Variants in ATP4A observed in about 807,000 individuals in gnomAD.
ATP4A encodes ATPase H+/K+ transporting subunit alpha, also known as potassium-transporting ATPase alpha chain 1.
In ATP4A, 73 loss-of-function variants were observed where a neutral mutation model predicts 112.1. That is an observed-to-expected ratio of 0.65 (90% CI 0.54 to 0.79). The LOEUF (loss-of-function observed/expected upper bound fraction) is 0.79, where lower values mean the gene tolerates loss of function less well. ATP4A is among the 30% of genes least tolerant of loss of function. The pLI is 0.00. For synonymous variants in ATP4A, 588 were observed against 588.9 expected, an observed-to-expected ratio of 1.00 and a Z score of 0.02; for missense variants, 1,081 against 1,425.9, an observed-to-expected ratio of 0.76 and a Z score of 3.90.
chr19:35,563,143 CTTCCATCTCCCTCT>C, intron 3 of ATP4A, 52 bp downstream of exon 3: 4 of 1,563,820 alleles, frequency 2.6e-6, no homozygotes, highest in Non-Finnish European at 3.5e-6. Context: ...CATCTCCCTC[CTTCCATCTCCCTCT>C]CCCTCCCTCT....
rs1253871199 is a variant in ATP4A, at chr19:35,550,726, G to C, written c.3080-83C>G. The stretch of plus-strand genomic sequence containing the variant: ...AGGGGCTCAGAGGTCAGTGCTGGTT[G>C]CTATGGAGGGTCAAGGGCTTAGAGG... On this transcript the variant is annotated intron_variant, in intron 21 of 21. Transcript: ENST00000262623. This position sits in a 1 kb window ranked among gnomAD's most constrained non-coding sequence, Gnocchi z 4.1. 6.2e-7 allele frequency: 1 copy of C among 1,608,380 alleles called. No individual in the cohort carries two copies. The highest frequency in any genetic ancestry group is 2.2e-5 in the East Asian group (1 of 44,852).
chr19:35,557,835 T>G lies in ATP4A; in HGVS notation c.1513A>C (p.Thr505Pro). Reference protein sequence around the residue: ...STNKFQLSIHTLEDPRDPRHL... With the variant: ...STNKFQLSIHPLEDPRDPRHL... The stretch of plus-strand genomic sequence containing the variant: ...CGCGGGTCCCGCGGGTCCTCCAGCG[T>G]ATGGATGGACAGCTGTGGGCGGGGG... Residue 505 changes from threonine (T) to proline (P), a missense_variant, in exon 11 of 22, where the codon ACG becomes CCG. Thr to Pro is a conservative substitution (Grantham distance 38). Transcript: ENST00000262623. The surrounding 1 kb of genome is among the most constrained non-coding windows in gnomAD (Gnocchi z 4.4). 1 of 1,527,434 alleles carries G rather than the reference T, an allele frequency of 6.5e-7. No individual in the cohort carries two copies. The allele number at this position is 1,527,434 out of a possible 1,614,324, so 94.6% of individuals were successfully genotyped here. A position where few individuals can be genotyped will look rare whatever the true frequency, so the allele number is the denominator to read the frequency against.
At position 35,563,403 on chromosome 19, in the gene ATP4A, A is replaced by T; in HGVS notation, c.137T>A (p.Met46Lys). The stretch of plus-strand genomic sequence containing the variant: ...GCTCACAATCTCCATCTCCTTCTTC[A>T]TGTTCTCCAGCTTCTCCTTCCTCTT... ...GGKRKEKLEN[M>K]KKEMEINDHQ... The change falls in exon 2 of 22, where the codon ATG (methionine) becomes AAG (lysine). Residue 46 changes from methionine (M) to lysine (K), a missense_variant. By Grantham distance (95) the Met-to-Lys change is moderately conservative. This residue lies in a region of ATP4A where 850 missense variants were observed against 1,068.2 expected (regional missense o/e 0.80). Coordinates refer to ENST00000262623, the MANE Select transcript of ATP4A (RefSeq NM_000704.3). 1 of 1,607,860 alleles carries T rather than the reference A, an allele frequency of 6.2e-7. No individual in the cohort carries two copies. Among genetic ancestry groups the T allele is most frequent in the Non-Finnish European group, 8.5e-7 (1 of 1,178,782 alleles).
Position 35,558,965 on chromosome 19 carries a change from T to C in ATP4A, c.1255+28A>G. 6.2e-7 allele frequency: 1 copy of C among 1,613,104 alleles called. No individual in the cohort carries two copies. ...CTCCACCATCCACCAGATCCTGCCCTGGCGCCTGTGCCCTCCCTCCCCCAC... is the reference window on the plus strand; with the variant it reads ...CTCCACCATCCACCAGATCCTGCCCCGGCGCCTGTGCCCTCCCTCCCCCAC... On this transcript the variant is annotated intron_variant, in intron 8 of 21. Coordinates refer to ENST00000262623, the MANE Select transcript of ATP4A (RefSeq NM_000704.3). The surrounding 1 kb of genome is among the most constrained non-coding windows in gnomAD (Gnocchi z 5.1).
In ATP4A at chr19:35,562,388, A is replaced by C. The variant is rs779056966; in HGVS notation, c.420+47T>G. The C allele has an allele frequency of 1.9e-6, 3 of 1,584,808 alleles. No homozygotes were observed. The Admixed American group carries it at 5.1e-5, about 27-fold the overall frequency. ...CCAAGTCCCAGGCTCAGTGTCTTCC[A>C]TCCCCAGGTCCCCATGTCCTGAGCC... On this transcript the variant is annotated intron_variant, in intron 4 of 21. Transcript: ENST00000262623.
Position 35,551,002 on chromosome 19 carries a change from C to A in ATP4A, c.2987+8G>T, listed in dbSNP as rs867597711. 4 of 1,613,438 alleles carry A rather than the reference C, an allele frequency of 2.5e-6. No homozygotes were observed. The highest frequency in any genetic ancestry group is 3.3e-4 in the Middle Eastern group (2 of 6,084). On this transcript the variant is annotated splice_region_variant and intron_variant, in intron 20 of 21. Coordinates refer to ENST00000262623, the MANE Select transcript of ATP4A (RefSeq NM_000704.3). The surrounding 1 kb of genome is among the most constrained non-coding windows in gnomAD (Gnocchi z 5.2). Reference sequence around the variant, plus strand: ...CCCTCCCTGTCCTTGCCCCTCACAGCCTCTCACCGAATGGGCATGAAGTTG... The same window carrying A: ...CCCTCCCTGTCCTTGCCCCTCACAGACTCTCACCGAATGGGCATGAAGTTG...
chr19:35,552,683 G>C (rs1263115147), intron 18 of ATP4A, among the ~76,000 whole-genome samples: 1 of 152,204 alleles, frequency 6.6e-6, no homozygotes, highest in African/African-American at 2.4e-5. Flanking sequence ...CTGCTGGCCA[G>C]ATCTAGCCTC....
intron 3 of ATP4A, 115 bp downstream of exon 3, chr19:35,563,094 A>G (rs1599576111): frequency 2.7e-6 from 3 of 1,125,540 alleles, no homozygotes; most frequent in East Asian, 5.2e-5. Flanking sequence ...ATTTCTCCAT[A>G]TCTTCCTCTC....
In ATP4A at chr19:35,553,712, G is replaced by C; in HGVS notation, c.2599C>G (p.Gln867Glu). Residue 867 changes from glutamine to glutamate, a missense_variant, in exon 17 of 22, where the codon CAG (glutamine) becomes GAG (glutamate). This residue lies in a region of ATP4A where 219 missense variants were observed against 320.9 expected (regional missense o/e 0.68). Coordinates refer to ENST00000262623, the MANE Select transcript of ATP4A (RefSeq NM_000704.3). ...CCGGCCCACGGGCACCCACCAATCT[G>C]GAAGTAGGAGTAGGCAGCCAGGGGC... ...NEPLAAYSYF[Q>E]IGAIQSFAGF... The C allele has an allele frequency of 1.2e-6, 2 of 1,613,618 alleles. No individual in the cohort carries two copies. Among genetic ancestry groups the C allele is most frequent in the Non-Finnish European group, 1.7e-6 (2 of 1,179,854 alleles).
rs764485146 is a variant in ATP4A at position 35,558,566 on chromosome 19, C to G, written c.1365+11G>C. 15 of 1,597,956 alleles carry G rather than the reference C, an allele frequency of 9.4e-6. No individual in the cohort carries two copies. The highest frequency in any genetic ancestry group is 1.7e-4 in the Middle Eastern group (1 of 6,050). On this transcript the variant is annotated intron_variant, in intron 9 of 21. Coordinates refer to ENST00000262623, the MANE Select transcript of ATP4A (RefSeq NM_000704.3). This position sits in a 1 kb window ranked among gnomAD's most constrained non-coding sequence, Gnocchi z 5.1. ...CCTCCCGGGATTCCCTGGAGGCCCC[C>G]TGGCTCTCACCTTGGGCACAGGCAC...
chr19:35,553,774 C>T lies in ATP4A; in HGVS notation c.2537G>A (p.Arg846His), dbSNP rs1353075008. ...EKAESDIMHL[R>H]PRNPKRDRLV... ...TCTGTCACGCTTTGGGTTGCGTGGA[C>T]GCAGGTGCATGATGTCACTCTCGGC... is the stretch of plus-strand genomic sequence containing the variant. The change falls in exon 17 of 22, where the codon CGT becomes CAT. Residue 846 changes from arginine to histidine, a missense_variant. Coordinates refer to ENST00000262623, the MANE Select transcript of ATP4A (RefSeq NM_000704.3). The T allele has an allele frequency of 8.1e-6, 13 of 1,610,058 alleles. No individual in the cohort carries two copies. Among genetic ancestry groups the T allele is most frequent in the African/African-American group, 2.7e-5 (2 of 74,886 alleles).
In ATP4A at chr19:35,551,024, G is replaced by T. The variant is rs2071598656; in HGVS notation, c.2973C>A (p.Asn991Lys). 6.2e-7 allele frequency: 1 copy of T among 1,613,896 alleles called. No individual in the cohort carries two copies. The change falls in exon 20 of 22, where the codon AAC becomes AAA. Residue 991 changes from asparagine (N) to lysine (K), a missense_variant. Asn to Lys is a moderately conservative substitution (Grantham distance 94). Around this residue, in one of 3 missense-constraint regions of ATP4A, gnomAD observed 219 missense variants for 320.9 expected, o/e 0.68. Transcript: ENST00000262623. This position sits in a 1 kb window ranked among gnomAD's most constrained non-coding sequence, Gnocchi z 5.2. ...CYCPGMPNIFNFMPIRFQWWL... is the reference protein window; with the variant it reads ...CYCPGMPNIFKFMPIRFQWWL... ...CAGCCTCTCACCGAATGGGCATGAAGTTGAAGATGTTGGGCATGCCGGGGC... is the reference window on the plus strand; with the variant it reads ...CAGCCTCTCACCGAATGGGCATGAATTTGAAGATGTTGGGCATGCCGGGGC...
rs1356398203 is a variant in ATP4A, at chr19:35,551,660, G to GT, written c.2752-81_2752-80insA. ...GAGCCTCTGCAGCCCACCGGGCATA[G>GT]GGTCCCAGGGCCGTGAACCCCTAAA... On this transcript the variant is annotated intron_variant, in intron 18 of 21. Coordinates refer to ENST00000262623, the MANE Select transcript of ATP4A (RefSeq NM_000704.3). This position sits in a 1 kb window ranked among gnomAD's most constrained non-coding sequence, Gnocchi z 5.2. 5 of 1,544,074 alleles carry GT rather than the reference G, an allele frequency of 3.2e-6. No homozygotes were observed. The African/African-American group carries it at 6.8e-5, about 21-fold the overall frequency.
rs372203615 is a variant in ATP4A, at chr19:35,550,972, C to T, written c.2987+38G>A. On this transcript the variant is annotated intron_variant, in intron 20 of 21. Coordinates refer to ENST00000262623, the MANE Select transcript of ATP4A (RefSeq NM_000704.3). This position sits in a 1 kb window ranked among gnomAD's most constrained non-coding sequence, Gnocchi z 4.1. Reference sequence around the variant, plus strand: ...AAGGCCATCCCAGGCCTGTGCCCTACAGCCCCCTCCCTGTCCTTGCCCCTC... The same window carrying T: ...AAGGCCATCCCAGGCCTGTGCCCTATAGCCCCCTCCCTGTCCTTGCCCCTC... 16 of 1,613,098 alleles carry T rather than the reference C, an allele frequency of 9.9e-6. No homozygotes were observed. Among genetic ancestry groups the T allele is most frequent in the Admixed American group, 1.7e-5 (1 of 59,886 alleles).
chr19:35,554,731 G>A (rs1325731555), intron 16 of ATP4A, among the ~76,000 whole-genome samples, 191 bp downstream of exon 16: 1 of 89,576 alleles, frequency 1.1e-5, no homozygotes, highest in Non-Finnish European at 2.4e-5. Flanking sequence ...TGTGTGCATG[G>A]CTGTATGTCC....
At position 35,550,981 on chromosome 19, in the gene ATP4A, C is replaced by T; in HGVS notation, c.2987+29G>A. ...CCAGGCCTGTGCCCTACAGCCCCCT[C>T]CCTGTCCTTGCCCCTCACAGCCTCT... On this transcript the variant is annotated intron_variant, in intron 20 of 21. Transcript: ENST00000262623. The surrounding 1 kb of genome is among the most constrained non-coding windows in gnomAD (Gnocchi z 4.1). The T allele has an allele frequency of 6.2e-7, 1 of 1,613,104 alleles. No homozygotes were observed. The highest frequency in any genetic ancestry group is 1.1e-5 in the South Asian group (1 of 90,868).
rs1162326379 is a variant in ATP4A, at chr19:35,559,222, G to T, written c.1057-31C>A. ...GAAGGGGTGAGCACCGCAGGCTGGG[G>T]ACCCACCCTGGCTTCCAGTCCTCTT... On this transcript the variant is annotated intron_variant, in intron 7 of 21. Transcript: ENST00000262623. The surrounding 1 kb of genome is among the most constrained non-coding windows in gnomAD (Gnocchi z 4.1). 3 of 1,608,414 alleles carry T rather than the reference G, an allele frequency of 1.9e-6. No individual in the cohort carries two copies. The highest frequency in any genetic ancestry group is 4.5e-5 in the East Asian group (2 of 44,844).
At chr19:35,552,321 C>G (rs1432834184) in intron 18 of ATP4A, among the ~76,000 whole-genome samples, 1 of 152,156 alleles carries the variant, frequency 6.6e-6, no homozygotes, top group African/African-American at 2.4e-5. Context: ...GGAGGTAAAT[C>G]AGTGGTGCTG....
In ATP4A at chr19:35,560,741, A is replaced by G; in HGVS notation, c.534+78T>C. 3 of 1,577,694 alleles carry G rather than the reference A, an allele frequency of 1.9e-6. No homozygotes were observed. The highest frequency in any genetic ancestry group is 2.6e-6 in the Non-Finnish European group (3 of 1,147,656). ...GAGATGGAGGCCACAGATGAGGGACAGGGGCCTGATGGAAGGAGGCTACAG... is the reference window on the plus strand; with the variant it reads ...GAGATGGAGGCCACAGATGAGGGACGGGGGCCTGATGGAAGGAGGCTACAG... On this transcript the variant is annotated intron_variant, in intron 5 of 21. Transcript: ENST00000262623. The surrounding 1 kb of genome is among the most constrained non-coding windows in gnomAD (Gnocchi z 5.1).
Sources: allele counts gnomAD v4.1 joint callset (sites outside exome capture counted in the v4.1 genomes callset), GRCh38; gene constraint gnomAD v4.1.1; regional missense constraint gnomAD v4.1.1; non-coding constraint Gnocchi (gnomAD v3.1); transcripts MANE v1.5; gene names NCBI Gene and HGNC (gene_info 2026-07-23, HGNC 2026-07-21).